Variants in DPP6 observed in about 807,000 individuals in gnomAD.
DPP6 encodes the protein A-type potassium channel modulatory protein DPP6.
DPP6 carries 69 observed loss-of-function variants against 122.6 expected under a neutral mutation model. That is an observed-to-expected ratio of 0.56 (90% CI 0.46 to 0.69). DPP6 has a LOEUF of 0.69. Among genes scored for constraint, DPP6 ranks in the 30% least tolerant of loss-of-function variants. DPP6 has a pLI of 0.00. For missense variants in DPP6, 928 were observed against 1,116.9 expected (o/e 0.83, Z 2.41); for synonymous variants, 418 against 433.1 (o/e 0.97, Z 0.43).
intron 1 of DPP6, among the ~76,000 whole-genome samples, chr7:154,308,055 G>A (rs533188071): frequency 6.6e-6 from 1 of 152,158 alleles, no homozygotes; most frequent in Admixed American, 6.5e-5. Flanking sequence ...AGAGAACTGG[G>A]ATTGAATGGA....
chr7:154,793,291 G>C (rs538835920), intron 10 of DPP6, among the ~76,000 whole-genome samples: 1 of 152,166 alleles, frequency 6.6e-6, no homozygotes, highest in East Asian at 1.9e-4. Context: ...GGTCTTTTTG[G>C]GGCATTAATT....
chr7:154,172,150 C>G (rs1797566546), intron 1 of DPP6, among the ~76,000 whole-genome samples: 1 of 151,490 alleles, frequency 6.6e-6, no homozygotes, highest in South Asian at 2.1e-4. Flanking sequence ...TCCTTCTTCC[C>G]TGCCTGCCTG....
chr7:154,013,627 TGGA>T (rs1182659830), intron 1 of DPP6, among the ~76,000 whole-genome samples: 1 of 151,888 alleles, frequency 6.6e-6, no homozygotes, highest in Non-Finnish European at 1.5e-5. Flanking sequence ...TTACTTTATG[TGGA>T]CAAACCTTTA....
intron 3 of DPP6, among the ~76,000 whole-genome samples, chr7:154,498,065 A>G (rs1420554576): frequency 6.6e-6 from 1 of 152,238 alleles, no homozygotes; most frequent in Non-Finnish European, 1.5e-5. Flanking sequence ...GAATAATATC[A>G]GAGGCAGTTG....
chr7:154,569,197 A>C (rs893325805), intron 5 of DPP6, among the ~76,000 whole-genome samples: 1 of 152,014 alleles, frequency 6.6e-6, no homozygotes, highest in African/African-American at 2.4e-5. Context: ...TAATTTTAGA[A>C]AAGGGAGGGG....
At chr7:154,726,561 G>A (rs566675021) in intron 7 of DPP6, among the ~76,000 whole-genome samples, 102 of 152,334 alleles carry the variant, frequency 6.7e-4, no homozygotes, top group African/African-American at 2.2e-3. Context: ...CTCTGAGCCC[G>A]GCCCATGAAA....
chr7:154,690,202 T>C (rs13241323), intron 7 of DPP6, among the ~76,000 whole-genome samples: 8,276 of 152,286 alleles, frequency 0.054, 309 homozygotes, highest in African/African-American at 0.1. Flanking sequence ...CAGTGTTTTA[T>C]AAGGACCTGT....
At chr7:154,452,663 A>C (rs768230950) in intron 2 of DPP6, among the ~76,000 whole-genome samples, 1 of 152,186 alleles carries the variant, frequency 6.6e-6, no homozygotes, top group Non-Finnish European at 1.5e-5. Context: ...CGTTTTGTGA[A>C]AGTGGTTCCT....
intron 1 of DPP6, among the ~76,000 whole-genome samples, chr7:154,394,466 G>T (rs764884268): frequency 1.9e-4 from 27 of 145,240 alleles, no homozygotes; most frequent in Non-Finnish European, 7.5e-5. Context: ...AGTTTTAGAA[G>T]TTCTCTATTT....
intron 23 of DPP6, among the ~76,000 whole-genome samples, chr7:154,887,968 A>C (rs1806299328): frequency 6.6e-6 from 1 of 152,106 alleles, no homozygotes; most frequent in Non-Finnish European, 1.5e-5. Context: ...TTGAGGGATG[A>C]GGAAGAAAGT....
chr7:153,855,175 A>G, the DPP6 span, among the ~76,000 whole-genome samples: 2 of 150,860 alleles, frequency 1.3e-5, no homozygotes, highest in Non-Finnish European at 3.0e-5. Context: ...CCAGCATGGC[A>G]CATGTATACA....
intron 16 of DPP6, among the ~76,000 whole-genome samples, chr7:154,837,107 G>GCA (rs922345234): frequency 2.0e-5 from 3 of 152,134 alleles, no homozygotes; most frequent in South Asian, 2.1e-4. Flanking sequence ...ACACCTGCAT[G>GCA]CACACACACA....
chr7:153,915,670 A>G (rs965197106), intron 1 of DPP6, among the ~76,000 whole-genome samples: 2 of 152,174 alleles, frequency 1.3e-5, no homozygotes, highest in Non-Finnish European at 2.9e-5. Flanking sequence ...GGGGGCAGAG[A>G]TGCTGGTTGC....
chr7:154,366,489 G>A (rs534455660), intron 1 of DPP6, among the ~76,000 whole-genome samples: 1 of 152,272 alleles, frequency 6.6e-6, no homozygotes, highest in East Asian at 1.9e-4. Flanking sequence ...TCCGCTGCAC[G>A]GGAACGTTCA....
intron 1 of DPP6, among the ~76,000 whole-genome samples, chr7:154,346,158 C>T (rs74814569): frequency 0.02 from 3,012 of 152,102 alleles, 70 homozygotes; most frequent in African/African-American, 0.059. Context: ...AAATTATTTG[C>T]GAGTATATCT....
At chr7:154,579,958 A>AAG (rs1423740082) in intron 5 of DPP6, among the ~76,000 whole-genome samples, 9 of 151,556 alleles carry the variant, frequency 5.9e-5, no homozygotes, top group African/African-American at 1.5e-4. Context: ...GAGAGCACAG[A>AAG]AGAGAGAGAG....
intron 5 of DPP6, among the ~76,000 whole-genome samples, chr7:154,627,874 A>G (rs1835183373): frequency 6.6e-6 from 1 of 152,170 alleles, no homozygotes; most frequent in African/African-American, 2.4e-5. Context: ...AATCTTGGGA[A>G]GGGGGCAGTG....
At chr7:154,168,970 C>A (rs1236827273) in intron 1 of DPP6, among the ~76,000 whole-genome samples, 1 of 152,132 alleles carries the variant, frequency 6.6e-6, no homozygotes, top group African/African-American at 2.4e-5. Context: ...CTTGAACTAA[C>A]CTTAGACAAA....
At chr7:154,585,315 G>A (rs1832367384) in intron 5 of DPP6, among the ~76,000 whole-genome samples, 1 of 152,204 alleles carries the variant, frequency 6.6e-6, no homozygotes, top group Admixed American at 6.5e-5. Flanking sequence ...ATAGACTATG[G>A]AAGATGTGCT....
Sources: gnomAD v4.1 joint callset for allele counts (sites outside exome capture counted in the v4.1 genomes callset) on GRCh38, gnomAD v4.1.1 for gene constraint, MANE v1.5 for transcripts, NCBI Gene and HGNC (gene_info 2026-07-23, HGNC 2026-07-21) for gene names.